The following MATN2 variants were observed in gnomAD, a reference collection of about 807,000 sequenced individuals.
MATN2 encodes matrilin 2, also known as matrilin-2.
A neutral mutation model predicts 103.2 loss-of-function variants in MATN2; 69 were observed. The observed-to-expected ratio is 0.67, with a 90% confidence interval of 0.55 to 0.82. MATN2 has a LOEUF of 0.82. MATN2 is among the 40% of genes least tolerant of loss of function. The pLI is 0.00. For synonymous variants in MATN2, 429 were observed against 450.2 expected, an observed-to-expected ratio of 0.95 and a Z score of 0.60; for missense variants, 1,023 against 1,211.5, an observed-to-expected ratio of 0.84 and a Z score of 2.31.
rs1287028962 is a variant in MATN2, at chr8:98,007,681, TGC to T, written c.1573+81_1573+82del. On this transcript the variant is annotated intron_variant, in intron 10 of 18. Transcript: ENST00000254898. The surrounding 1 kb of genome is among the most constrained non-coding windows in gnomAD (Gnocchi z 4.2). ...TGGGTGCGCTGCCGACGTGTATATGTGCCTGTGTGTCCTGTCTCCAGGCTTTG... is the reference window on the plus strand; with the variant it reads ...TGGGTGCGCTGCCGACGTGTATATGTCTGTGTGTCCTGTCTCCAGGCTTTG... 41 of 1,505,916 alleles carry T rather than the reference TGC, an allele frequency of 2.7e-5. No individual in the cohort carries two copies. The East Asian group carries it at 9.2e-4, about 34-fold the overall frequency. 93.3% of individuals were successfully genotyped at this position (1,505,916 alleles called of 1,614,324 possible).
chr8:97,897,956 G>A (rs778167781), intron 2 of MATN2, among the ~76,000 whole-genome samples: 4 of 152,052 alleles, frequency 2.6e-5, no homozygotes, highest in African/African-American at 4.8e-5. Flanking sequence ...TTCTCCTACA[G>A]ATCCTCTCTC....
chr8:97,875,143 C>T (rs1818028071), intron 1 of MATN2, among the ~76,000 whole-genome samples: 1 of 151,996 alleles, frequency 6.6e-6, no homozygotes, highest in African/African-American at 2.4e-5. Context: ...TCACATATTC[C>T]CAGCTTCTGG....
At chr8:98,024,414 A>T (rs1472650980) in intron 13 of MATN2, among the ~76,000 whole-genome samples, 3 of 152,194 alleles carry the variant, frequency 2.0e-5, no homozygotes, top group Non-Finnish European at 4.4e-5. Context: ...CTGAGACAGG[A>T]GAATCACTTG....
chr8:98,030,350 C>T (rs1450428971), intron 14 of MATN2, 112 bp from the exon 15 acceptor site: 30 of 796,088 alleles, frequency 3.8e-5, no homozygotes, highest in East Asian at 2.7e-5. Flanking sequence ...GGCATGGACT[C>T]TTCAAATCAT....
In MATN2 at chr8:97,941,161, C is replaced by CAAA. The variant is rs1186024165; in HGVS notation, c.713-594_713-592dup. Among the ~76,000 whole-genome samples, 131 of 77,968 alleles carry CAAA rather than the reference C, an allele frequency of 1.7e-3. 3 individuals are homozygous for CAAA. The highest frequency in any genetic ancestry group is 0.012 in the Middle Eastern group (1 of 86). The allele number at this position is 77,968 out of a possible 152,430, so 51.2% of individuals were successfully genotyped here. On this transcript the variant is annotated intron_variant, in intron 3 of 18. Transcript: ENST00000254898. ...TGGAAGACAGAGCAAGACCTTGTCT[C>CAAA]AAAAAAAAAAAAAAAAAAAAAAAAG...
intron 5 of MATN2, among the ~76,000 whole-genome samples, chr8:97,976,065 A>C (rs976625551): frequency 6.6e-6 from 1 of 152,180 alleles, no homozygotes; most frequent in Non-Finnish European, 1.5e-5. Flanking sequence ...AAACCTGCAA[A>C]TACTAGGTTC....
intron 5 of MATN2, among the ~76,000 whole-genome samples, chr8:97,972,736 T>G (rs569755459): frequency 6.6e-6 from 1 of 152,334 alleles, no homozygotes; most frequent in African/African-American, 2.4e-5. Flanking sequence ...TTCTCACATG[T>G]TGGGCAGAGA....
intron 1 of MATN2, among the ~76,000 whole-genome samples, chr8:97,876,532 C>T (rs903047001): frequency 2.6e-5 from 4 of 152,058 alleles, no homozygotes; most frequent in Non-Finnish European, 5.9e-5. Context: ...CAATATTGAC[C>T]AGGCTGGTCT....
chr8:97,966,080 GGA>G (rs1357909403), intron 5 of MATN2, among the ~76,000 whole-genome samples: 14 of 152,084 alleles, frequency 9.2e-5, no homozygotes, highest in Non-Finnish European at 1.5e-5. Context: ...CTTGAGCCCA[GGA>G]GATCATTCAA....
At chr8:97,885,264 G>T in intron 1 of MATN2, among the ~76,000 whole-genome samples, 1 of 152,148 alleles carries the variant, frequency 6.6e-6, no homozygotes, top group East Asian at 1.9e-4. Context: ...TGGAGAAAGG[G>T]GAATAGCAAT....
intron 6 of MATN2, among the ~76,000 whole-genome samples, chr8:97,979,905 T>C (rs149342200): frequency 6.6e-6 from 1 of 152,348 alleles, no homozygotes; most frequent in East Asian, 1.9e-4. Flanking sequence ...AAAACCTTTT[T>C]CAACATAAAC....
intron 8 of MATN2, among the ~76,000 whole-genome samples, chr8:98,006,169 G>A (rs535510314): frequency 1.3e-5 from 2 of 152,350 alleles, no homozygotes; most frequent in East Asian, 3.9e-4. Flanking sequence ...GCAGCATTCG[G>A]ATGCCAGGAT....
chr8:97,917,717 T>C (rs568086739), intron 2 of MATN2, among the ~76,000 whole-genome samples: 2 of 152,356 alleles, frequency 1.3e-5, no homozygotes, highest in African/African-American at 4.8e-5. Flanking sequence ...GTTACTTTTA[T>C]CCTCAGTAGT....
At chr8:97,899,226 C>T (rs564644483) in intron 2 of MATN2, among the ~76,000 whole-genome samples, 57 of 152,288 alleles carry the variant, frequency 3.7e-4, no homozygotes, top group African/African-American at 1.3e-3. Flanking sequence ...TTAGCCTGTA[C>T]AGCAATTGCC....
intron 1 of MATN2, among the ~76,000 whole-genome samples, chr8:97,882,125 T>C (rs929217946): frequency 1.3e-5 from 2 of 151,438 alleles, no homozygotes; most frequent in African/African-American, 4.8e-5. Context: ...GGTTTCACAA[T>C]GTTGGCCAGG....
intron 10 of MATN2, among the ~76,000 whole-genome samples, chr8:98,015,830 CAG>C (rs1212865173): frequency 6.6e-6 from 1 of 152,186 alleles, no homozygotes; most frequent in African/African-American, 2.4e-5. Flanking sequence ...GCTATATCCC[CAG>C]AGTCTAAAAC....
intron 1 of MATN2, among the ~76,000 whole-genome samples, chr8:97,870,146 CTTG>C (rs1817843447): frequency 1.3e-5 from 2 of 152,116 alleles, no homozygotes; most frequent in Non-Finnish European, 2.9e-5. Context: ...GGGTTGATAA[CTTG>C]AAGGTACCCA....
chr8:97,881,913 CTT>C (rs34704905), intron 1 of MATN2, among the ~76,000 whole-genome samples: 1 of 84,090 alleles, frequency 1.2e-5, no homozygotes, highest in Non-Finnish European at 2.1e-5. Context: ...TATTACTTAT[CTT>C]TTTTTTTTTT....
At chr8:97,918,265 C>T (rs138750381) in intron 2 of MATN2, among the ~76,000 whole-genome samples, 2 of 152,296 alleles carry the variant, frequency 1.3e-5, no homozygotes, top group African/African-American at 4.8e-5. Flanking sequence ...CTATACTTGT[C>T]TCAATGACCC....
Sources: gnomAD v4.1 joint callset for allele counts (sites outside exome capture counted in the v4.1 genomes callset) on GRCh38, gnomAD v4.1.1 for gene constraint, Gnocchi (gnomAD v3.1) non-coding constraint, MANE v1.5 for transcripts, NCBI Gene and HGNC (gene_info 2026-07-23, HGNC 2026-07-21) for gene names.